Variants in ACMSD observed in about 807,000 individuals in gnomAD.
The protein encoded by ACMSD is 2-amino-3-carboxymuconate-6-semialdehyde decarboxylase.
In ACMSD, 37 loss-of-function variants were observed where a neutral mutation model predicts 45.9. That is an observed-to-expected ratio of 0.81 (90% CI 0.62 to 1.06). ACMSD has a LOEUF of 1.06. ACMSD is among the 50% of genes least tolerant of loss of function. The probability of loss-of-function intolerance (pLI) is 0.00; values close to 1 mark genes in which losing one functional copy is unlikely to be tolerated. For synonymous variants in ACMSD, 138 were observed against 148.8 expected, an observed-to-expected ratio of 0.93 and a Z score of 0.53; for missense variants, 434 against 420.9, an observed-to-expected ratio of 1.03 and a Z score of -0.27.
intron 9 of ACMSD, among the ~76,000 whole-genome samples, chr2:134,901,489 T>A (rs1690497553): frequency 6.6e-6 from 1 of 152,196 alleles, no homozygotes; most frequent in Admixed American, 6.5e-5. Flanking sequence ...TTTCTCTGTA[T>A]TTGCCCCCAA....
intron 6 of ACMSD, chr2:134,869,086 C>A (rs1202008970): frequency 6.6e-6 from 1 of 152,132 alleles, no homozygotes; most frequent in Non-Finnish European, 1.5e-5. Flanking sequence ...CCTACTCATC[C>A]CCTACCAAAT....
chr2:134,867,956 A>C (rs1688192524), intron 6 of ACMSD, among the ~76,000 whole-genome samples: 1 of 152,170 alleles, frequency 6.6e-6, no homozygotes, highest in African/African-American at 2.4e-5. Context: ...TGAGGCTTGG[A>C]ATTTTTAGGT....
chr2:134,847,540 A>G (rs1687124600), intron 2 of ACMSD, among the ~76,000 whole-genome samples: 1 of 152,184 alleles, frequency 6.6e-6, no homozygotes, highest in Admixed American at 6.5e-5. Flanking sequence ...TACAAGTGCC[A>G]TGGTGGTTCA....
chr2:134,845,363 G>T (rs1687001870), intron 2 of ACMSD, 86 bp downstream of exon 2: 26 of 1,425,058 alleles, frequency 1.8e-5, no homozygotes, highest in Non-Finnish European at 2.6e-5. Flanking sequence ...GGCCTCCAGG[G>T]AACCCCACTC....
chr2:134,894,109 A>G (rs1689954427), intron 8 of ACMSD, among the ~76,000 whole-genome samples: 3 of 152,124 alleles, frequency 2.0e-5, no homozygotes, highest in South Asian at 4.1e-4. Flanking sequence ...AAAAATATAT[A>G]TAAATATTAG....
intron 8 of ACMSD, among the ~76,000 whole-genome samples, chr2:134,894,865 G>A (rs1415028693): frequency 1.3e-5 from 2 of 152,056 alleles, no homozygotes; most frequent in Non-Finnish European, 2.9e-5. Context: ...GAAACTATTA[G>A]GGCTAATAGA....
At chr2:134,852,788 G>A (rs1385937804) in intron 2 of ACMSD, among the ~76,000 whole-genome samples, 1 of 152,152 alleles carries the variant, frequency 6.6e-6, no homozygotes, top group Non-Finnish European at 1.5e-5. Flanking sequence ...ATGGCAGCTG[G>A]TGTGGTCTGG....
chr2:134,895,998 CA>C (rs1259977310), intron 8 of ACMSD, among the ~76,000 whole-genome samples: 2 of 152,134 alleles, frequency 1.3e-5, no homozygotes, highest in African/African-American at 4.8e-5. Flanking sequence ...TAAAGACAGA[CA>C]TAAAGATCAA....
intron 1 of ACMSD, among the ~76,000 whole-genome samples, chr2:134,842,991 C>T (rs1049588284): frequency 3.3e-5 from 5 of 152,190 alleles, no homozygotes; most frequent in African/African-American, 7.2e-5. Flanking sequence ...GAGGAAGAAG[C>T]GGGAGAAAGC....
At chr2:134,878,870 A>G (rs1688890630) in intron 8 of ACMSD, among the ~76,000 whole-genome samples, 1 of 152,158 alleles carries the variant, frequency 6.6e-6, no homozygotes, top group Admixed American at 6.5e-5. Context: ...CATTAGGCAA[A>G]AGACTTAGCC....
chr2:134,867,481 A>G (rs1202629813), intron 5 of ACMSD, 98 bp from the exon 6 acceptor site: 3 of 884,834 alleles, frequency 3.4e-6, no homozygotes, highest in Non-Finnish European at 5.6e-6. Context: ...GTGCAGACCA[A>G]TATAGACTCA....
intron 6 of ACMSD, chr2:134,868,895 T>TTCAATTTAGTC (rs1290053876): frequency 1.3e-5 from 2 of 152,196 alleles, no homozygotes; most frequent in African/African-American, 2.4e-5. Context: ...GGATTTTAGT[T>TTCAATTTAGTC]TCAATTTAGT....
In ACMSD at chr2:134,897,679, G is replaced by A. The variant is rs572905698; in HGVS notation, c.850-662G>A. ...GAACCATGTCTGTTTTGTTGACAAG[G>A]GTACATCTAAATTCTAGCACATTGT... On this transcript the variant is annotated intron_variant, in intron 8 of 9. Coordinates refer to ENST00000356140, the MANE Select transcript of ACMSD (RefSeq NM_138326.3). Among the ~76,000 whole-genome samples, 6 of 152,086 alleles carry A rather than the reference G, an allele frequency of 3.9e-5. No individual in the cohort carries two copies. In the South Asian group the frequency reaches 1.2e-3, roughly 32 times the overall value.
intron 8 of ACMSD, among the ~76,000 whole-genome samples, chr2:134,885,280 ATATAT>A (rs1689279834): frequency 1.6e-5 from 1 of 64,396 alleles, no homozygotes; most frequent in Non-Finnish European, 2.3e-5. Context: ...TATATATATT[ATATAT>A]TATATTTATA....
chr2:134,840,180 A>AAAAAAAAAC (rs1553507421), intron 1 of ACMSD, among the ~76,000 whole-genome samples: 2 of 140,042 alleles, frequency 1.4e-5, no homozygotes, highest in Non-Finnish European at 3.0e-5. Flanking sequence ...AAAAAAAAAA[A>AAAAAAAAAC]AAAAAAAAAA....
At chr2:134,879,556 A>C (rs533888497) in intron 8 of ACMSD, among the ~76,000 whole-genome samples, 2 of 152,128 alleles carry the variant, frequency 1.3e-5, no homozygotes, top group African/African-American at 4.8e-5. Context: ...CATATTTACT[A>C]TCTCATTCAT....
chr2:134,863,986 T>TC lies in ACMSD; in HGVS notation c.486+355_486+356insC, dbSNP rs1559049856. On this transcript the variant is annotated intron_variant, in intron 5 of 9. Transcript: ENST00000356140. ...GACATACAAATATATATATATATTT[T>TC]GGCCAGGTGCAGCAGCTCACACCTG... Among the ~76,000 whole-genome samples the TC allele has an allele frequency of 1.3e-3, 197 of 151,930 alleles. 1 individual carries two copies. The highest frequency in any genetic ancestry group is 6.0e-3 in the South Asian group (29 of 4,820).
At chr2:134,886,494 C>T (rs1216631525) in intron 8 of ACMSD, among the ~76,000 whole-genome samples, 1 of 151,854 alleles carries the variant, frequency 6.6e-6, no homozygotes, top group Non-Finnish European at 1.5e-5. Flanking sequence ...GTGATCTGCC[C>T]GCCTCAGCCT....
At chr2:134,870,756 C>T (rs547911771) in intron 6 of ACMSD, among the ~76,000 whole-genome samples, 1 of 152,232 alleles carries the variant, frequency 6.6e-6, no homozygotes, top group East Asian at 1.9e-4. Flanking sequence ...ATCTCTCTAG[C>T]CATTAGATGA....
Sources: allele counts gnomAD v4.1 joint callset (sites outside exome capture counted in the v4.1 genomes callset), GRCh38; gene constraint gnomAD v4.1.1; transcripts MANE v1.5; gene names NCBI Gene and HGNC (gene_info 2026-07-23, HGNC 2026-07-21).